Variants in DENND5B observed in about 807,000 individuals in gnomAD.
DENND5B encodes the protein DENN domain-containing protein 5B.
Under a neutral mutation model 140.6 loss-of-function variants are expected in DENND5B, and 34 were observed. The ratio of observed to expected loss-of-function variants is 0.24; its 90% confidence interval spans 0.18 to 0.32. DENND5B has a LOEUF of 0.32. Ranked by LOEUF, DENND5B falls within the 10% of genes least tolerant of loss-of-function variation. The pLI is 1.00. For synonymous variants in DENND5B, 551 were observed against 562.1 expected, an observed-to-expected ratio of 0.98 and a Z score of 0.28; for missense variants, 1,142 against 1,560.2, an observed-to-expected ratio of 0.73 and a Z score of 4.52.
chr12:31,499,468 A>G, intron 1 of DENND5B: 1 of 566,320 alleles, frequency 1.8e-6, no homozygotes, highest in Non-Finnish European at 2.7e-6. Context: ...TAAGATGCAG[A>G]TGAGAGAAGA....
intron 1 of DENND5B, among the ~76,000 whole-genome samples, chr12:31,572,667 A>C (rs1374174341): frequency 6.6e-6 from 1 of 151,994 alleles, no homozygotes; most frequent in Non-Finnish European, 1.5e-5. Flanking sequence ...AAAAGGTGTT[A>C]TCTAAAAAGT....
At chr12:31,431,502 A>C (rs778799669) in intron 8 of DENND5B, among the ~76,000 whole-genome samples, 1 of 152,174 alleles carries the variant, frequency 6.6e-6, no homozygotes, top group African/African-American at 2.4e-5. Flanking sequence ...CTCTGGGCTA[A>C]TCTCTTGGAC....
At chr12:31,454,240 T>C (rs1330673956) in intron 4 of DENND5B, among the ~76,000 whole-genome samples, 3 of 152,128 alleles carry the variant, frequency 2.0e-5, no homozygotes, top group Non-Finnish European at 4.4e-5. Context: ...TCCAGTCTTT[T>C]AATTTTGCAG....
intron 2 of DENND5B, among the ~76,000 whole-genome samples, chr12:31,494,270 T>A (rs537688473): frequency 6.6e-6 from 1 of 150,694 alleles, no homozygotes; most frequent in East Asian, 1.9e-4. Flanking sequence ...TGAGACAGGG[T>A]CTTGCTATGG....
intron 3 of DENND5B, among the ~76,000 whole-genome samples, chr12:31,478,285 T>A (rs185847477): frequency 2.0e-5 from 3 of 152,158 alleles, no homozygotes; most frequent in Non-Finnish European, 4.4e-5. Flanking sequence ...ACAAATATAG[T>A]CTACTTGGCT....
At chr12:31,466,320 T>C (rs1945265841) in intron 3 of DENND5B, among the ~76,000 whole-genome samples, 1 of 151,244 alleles carries the variant, frequency 6.6e-6, no homozygotes, top group South Asian at 2.1e-4. Context: ...AACACTGCAC[T>C]CCAGCCTGGC....
At chr12:31,574,267 A>AATAATAATAATAATAAT (rs1555175967) in intron 1 of DENND5B, among the ~76,000 whole-genome samples, 1 of 89,700 alleles carries the variant, frequency 1.1e-5, no homozygotes, top group African/African-American at 3.1e-5. Flanking sequence ...TGTCTCTAAA[A>AATAATAATAATAATAAT]AATAATAATA....
chr12:31,512,719 G>A (rs1007532845), intron 1 of DENND5B, among the ~76,000 whole-genome samples: 1 of 151,836 alleles, frequency 6.6e-6, no homozygotes, highest in Admixed American at 6.6e-5. Context: ...TCTTTCTTCA[G>A]CTTTGCATTG....
chr12:31,581,486 C>G (rs551797579), intron 1 of DENND5B, among the ~76,000 whole-genome samples: 6 of 151,766 alleles, frequency 4.0e-5, no homozygotes, highest in Non-Finnish European at 5.9e-5. Flanking sequence ...GTCGGGAGCC[C>G]GAGACCAGCC....
chr12:31,423,867 TA>T (rs978967045), intron 10 of DENND5B, among the ~76,000 whole-genome samples, 192 bp from the exon 11 acceptor site: 2 of 152,182 alleles, frequency 1.3e-5, no homozygotes, highest in African/African-American at 4.8e-5. Flanking sequence ...CTGACAAGAC[TA>T]CCAAGAGCCT....
intron 1 of DENND5B, among the ~76,000 whole-genome samples, chr12:31,538,372 A>AT: frequency 6.6e-6 from 1 of 152,138 alleles, no homozygotes; most frequent in Non-Finnish European, 1.5e-5. Flanking sequence ...ATTATTGAAA[A>AT]TTTTCTTGAA....
intron 2 of DENND5B, among the ~76,000 whole-genome samples, chr12:31,483,802 T>C (rs1176725659): frequency 1.3e-5 from 2 of 151,898 alleles, no homozygotes; most frequent in Non-Finnish European, 2.9e-5. Flanking sequence ...TTGCTGTTTA[T>C]TTTAGATTTT....
chr12:31,465,513 G>T, intron 3 of DENND5B: 1 of 152,410 alleles, frequency 6.6e-6, no homozygotes, highest in Non-Finnish European at 1.5e-5. Flanking sequence ...GATTACAGGT[G>T]CACACCACCA....
At chr12:31,585,915 G>T (rs1302225238) in intron 1 of DENND5B, among the ~76,000 whole-genome samples, 1 of 152,124 alleles carries the variant, frequency 6.6e-6, no homozygotes, top group Non-Finnish European at 1.5e-5. Flanking sequence ...GCTACCAAGG[G>T]AACACTTTAA....
intron 2 of DENND5B, among the ~76,000 whole-genome samples, chr12:31,480,797 G>A (rs1338145246): frequency 6.6e-6 from 1 of 152,190 alleles, no homozygotes; most frequent in African/African-American, 2.4e-5. Flanking sequence ...ATTTTGAATA[G>A]TATGGTATTT....
Position 31,387,419 on chromosome 12 carries a change from C to T in DENND5B, c.*184G>A. 1 of 546,618 alleles carries T rather than the reference C, an allele frequency of 1.8e-6. No individual in the cohort carries two copies. Among genetic ancestry groups the T allele is most frequent in the Non-Finnish European group, 3.2e-6 (1 of 313,946 alleles). 33.9% of individuals were successfully genotyped at this position (546,618 alleles called of 1,614,324 possible). A position where few individuals can be genotyped will look rare whatever the true frequency, so the allele number is the denominator to read the frequency against. On this transcript the variant is annotated 3_prime_UTR_variant, in exon 21 of 21. Coordinates refer to ENST00000389082, the MANE Select transcript of DENND5B (RefSeq NM_144973.4). ...ACACATGAAAATACTCTATTTTATA[C>T]TAAATTCCAGGTTCAAATGAACTAC...
chr12:31,435,087 C>T (rs1483334520), intron 7 of DENND5B, among the ~76,000 whole-genome samples: 1 of 152,142 alleles, frequency 6.6e-6, no homozygotes, highest in Non-Finnish European at 1.5e-5. Flanking sequence ...TCCCTCCTTA[C>T]CTGCCCACCA....
chr12:31,483,179 C>G (rs925041723), intron 2 of DENND5B, among the ~76,000 whole-genome samples: 5 of 152,204 alleles, frequency 3.3e-5, no homozygotes, highest in African/African-American at 1.2e-4. Context: ...CAAACCTTGA[C>G]ACTTCCCCAT....
chr12:31,392,307 G>A lies in DENND5B; in HGVS notation c.3426C>T (p.Ala1142=), dbSNP rs1243414124. The A allele has an allele frequency of 2.5e-6, 4 of 1,613,700 alleles. No individual in the cohort carries two copies. The Admixed American group carries it at 6.7e-5, about 27-fold the overall frequency. ...EQVFHHGFKS[A]RIFHKNVFIW... is the part of the protein sequence containing the mutation. ...TGAAGACATTCTTGTGAAAGATGCG[G>A]GCAGATTTGAACCCATGGTGGAAAA... is the stretch of plus-strand genomic sequence containing the variant. The change falls in exon 19 of 21, where the codon GCC becomes GCT. Residue 1142 remains alanine, a synonymous_variant. Coordinates refer to ENST00000389082, the MANE Select transcript of DENND5B (RefSeq NM_144973.4).
Sources: allele counts gnomAD v4.1 joint callset (sites outside exome capture counted in the v4.1 genomes callset), GRCh38; gene constraint gnomAD v4.1.1; transcripts MANE v1.5; gene names NCBI Gene and HGNC (gene_info 2026-07-23, HGNC 2026-07-21).